Variants in PRPF40B observed in about 807,000 individuals in gnomAD.
PRPF40B encodes the protein pre-mRNA-processing factor 40 homolog B.
A neutral mutation model predicts 124.5 loss-of-function variants in PRPF40B; 56 were observed. The ratio of observed to expected loss-of-function variants is 0.45; its 90% confidence interval spans 0.36 to 0.56. PRPF40B has a LOEUF of 0.56. PRPF40B is among the 20% of genes least tolerant of loss of function. The pLI, the probability that PRPF40B is intolerant of heterozygous loss-of-function variation, is 0.00. For missense variants in PRPF40B, 1,053 were observed against 1,169.5 expected, an observed-to-expected ratio of 0.90 and a Z score of 1.45; for synonymous variants, 443 against 426.4, an observed-to-expected ratio of 1.04 and a Z score of -0.48.
Position 49,631,282 on chromosome 12 carries a change from C to A in PRPF40B, c.85-119C>A. On this transcript the variant is annotated intron_variant, in intron 2 of 25. Coordinates refer to ENST00000548825, the MANE Select transcript of PRPF40B (RefSeq NM_001031698.3). This position sits in a 1 kb window ranked among gnomAD's most constrained non-coding sequence, Gnocchi z 4.3. ...TTCTCAAACTAAAGCCTTGGAATTG[C>A]CTCAGAGCAGGGTGGAGGGTTGGGG... The A allele has an allele frequency of 1.5e-6, 1 of 675,488 alleles. No individual in the cohort carries two copies. The highest frequency in any genetic ancestry group is 2.4e-6 in the Non-Finnish European group (1 of 415,526). The allele number at this position is 675,488 out of a possible 1,614,324, so 41.8% of individuals were successfully genotyped here.
chr12:49,641,706 C>T, intron 18 of PRPF40B: 1 of 582,532 alleles, frequency 1.7e-6, no homozygotes, highest in Non-Finnish European at 3.1e-6. Flanking sequence ...CTCTGTGTGA[C>T]ATCCAAACCA....
chr12:49,632,814 C>T (rs577792314), intron 5 of PRPF40B, 41 bp from the exon 6 acceptor site: 17 of 1,613,860 alleles, frequency 1.1e-5, no homozygotes, highest in Non-Finnish European at 1.4e-5. Flanking sequence ...AGATGGAGGT[C>T]GGAGCAAGGA....
chr12:49,637,171 G>A (rs1215433037), intron 16 of PRPF40B: 2 of 572,286 alleles, frequency 3.5e-6, no homozygotes, highest in African/African-American at 1.9e-5. Flanking sequence ...CCCTCAGCTT[G>A]GGGGTGGCAG....
chr12:49,623,934 G>C, intron 1 of PRPF40B: 1 of 1,126,894 alleles, frequency 8.9e-7, no homozygotes, highest in Non-Finnish European at 1.1e-6. Context: ...GAGGGGACCA[G>C]GGGACAGGTG....
chr12:49,630,453 C>T (rs531166349), intron 1 of PRPF40B, 92 bp from the exon 2 acceptor site: 5 of 713,088 alleles, frequency 7.0e-6, no homozygotes, highest in Admixed American at 6.0e-5. Context: ...ATTTTGTGCT[C>T]CTTTTTCATC....
chr12:49,638,931 A>C (rs548578177), intron 18 of PRPF40B: 1 of 152,232 alleles, frequency 6.6e-6, no homozygotes, highest in African/African-American at 2.4e-5. Context: ...TTGCCTTACA[A>C]ATTCACGTAG....
chr12:49,643,856 T>TA lies in PRPF40B; in HGVS notation c.2443-4dup, dbSNP rs1943000676. On this transcript the variant is annotated splice_polypyrimidine_tract_variant and splice_region_variant and intron_variant, in intron 24 of 25. Transcript: ENST00000548825. ...ACTGAGGAGGTGGGCTCTGGACTCT[T>TA]ACAGAATAGTCCTGAGAGTGAGACA... The TA allele has an allele frequency of 3.1e-6, 5 of 1,614,052 alleles. No individual in the cohort carries two copies.
Position 49,634,559 on chromosome 12 carries a change from T to C in PRPF40B, c.958T>C (p.Trp320Arg). ...CCAGGCTGTCCCCTCCAATGCCTCA[T>C]GGGAACAGGCCATGAAGATGGTGGT... ...RDKAVPSNAS[W>R]EQAMKMVVTD... Residue 320 changes from tryptophan (W) to arginine (R), a missense_variant, in exon 12 of 26, where the codon TGG becomes CGG. Transcript: ENST00000548825. The C allele has an allele frequency of 1.2e-6, 2 of 1,614,156 alleles. No individual in the cohort carries two copies. Among genetic ancestry groups the C allele is most frequent in the Non-Finnish European group, 1.7e-6 (2 of 1,180,004 alleles).
Position 49,634,338 on chromosome 12 carries a change from A to G in PRPF40B, c.819A>G (p.Gly273=), listed in dbSNP as rs932469774. The G allele has an allele frequency of 5.6e-6, 9 of 1,614,058 alleles. No homozygotes were observed. The highest frequency in any genetic ancestry group is 5.3e-5 in the African/African-American group (4 of 74,914). The change falls in exon 11 of 26, where the codon GGA becomes GGG. Residue 273 remains glycine, a synonymous_variant. Transcript: ENST00000548825. The part of the protein sequence containing the change: ...QQLEEGPSSS[G]QHQPQQEEEE... ...AGTCCCCTGTGCCCTCCAGTTCTGG[A>G]CAGCATCAGCCACAGCAGGAGGAGG... is the stretch of plus-strand genomic sequence containing the variant.
At position 49,634,088 on chromosome 12, in the gene PRPF40B, A is replaced by C. The variant is rs1347974141; in HGVS notation, c.808A>C (p.Ser270Arg). 1 of 1,612,206 alleles carries C rather than the reference A, an allele frequency of 6.2e-7. No homozygotes were observed. The highest frequency in any genetic ancestry group is 1.7e-5 in the Admixed American group (1 of 60,002). ...GFLQQLEEGP[S>R]SSGQHQPQQE... ...CCTGCAGCAGCTGGAGGAGGGCCCCAGCAGGTGAGGGCTGCCCCCCATGGC... is the reference window on the plus strand; with the variant it reads ...CCTGCAGCAGCTGGAGGAGGGCCCCCGCAGGTGAGGGCTGCCCCCCATGGC... Residue 270 changes from serine to arginine, a missense_variant, in exon 10 of 26, where the codon AGC (serine) becomes CGC (arginine). Ser to Arg is a moderately radical substitution (Grantham distance 110, BLOSUM62 -1). Around this residue, in one of 2 missense-constraint regions of PRPF40B, gnomAD observed 895 missense variants for 1,052.2 expected, o/e 0.85. Transcript: ENST00000548825.
chr12:49,644,240 T>C lies in PRPF40B; in HGVS notation c.*48T>C. On this transcript the variant is annotated 3_prime_UTR_variant, in exon 26 of 26. Coordinates refer to ENST00000548825, the MANE Select transcript of PRPF40B (RefSeq NM_001031698.3). ...CGGGTCTGTGTGAGGCCATGGCTCC[T>C]GGGCCACCCTCACCGTCTGCCTCAG... 16 of 1,597,528 alleles carry C rather than the reference T, an allele frequency of 1.0e-5. No homozygotes were observed. The highest frequency in any genetic ancestry group is 1.3e-5 in the Non-Finnish European group (15 of 1,165,868).
At position 49,637,551 on chromosome 12, in the gene PRPF40B, G is replaced by A; in HGVS notation, c.1642G>A (p.Asp548Asn). ...WMELYPAVSTDVRFANMLGQP... is the reference protein window; with the variant it reads ...WMELYPAVSTNVRFANMLGQP... ...GGAGCTATATCCAGCAGTCAGCACTGATGTCCGCTTTGCCAACATGCTGGG... is the reference window on the plus strand; with the variant it reads ...GGAGCTATATCCAGCAGTCAGCACTAATGTCCGCTTTGCCAACATGCTGGG... The change falls in exon 17 of 26, where the codon GAT becomes AAT. Residue 548 changes from aspartate to asparagine, a missense_variant. This residue lies in a region of PRPF40B where 895 missense variants were observed against 1,052.2 expected (regional missense o/e 0.85). Coordinates refer to ENST00000548825, the MANE Select transcript of PRPF40B (RefSeq NM_001031698.3). 5 of 1,613,878 alleles carry A rather than the reference G, an allele frequency of 3.1e-6. No homozygotes were observed. The highest frequency in any genetic ancestry group is 4.2e-6 in the Non-Finnish European group (5 of 1,180,036).
rs760562382 is a variant in PRPF40B, at chr12:49,635,135, C to T, written c.1038C>T (p.Phe346=). 11 of 1,613,682 alleles carry T rather than the reference C, an allele frequency of 6.8e-6. No homozygotes were observed. The South Asian group carries it at 1.1e-4, about 16-fold the overall frequency. ...LPKLSEKKQA[F]NAYKAQREKE... is the part of the protein sequence containing the mutation. ...AACTGAGTGAGAAAAAGCAGGCATT[C>T]AATGCCTACAAGGCGCAGCGGGAGA... is the stretch of plus-strand genomic sequence containing the variant. Residue 346 remains phenylalanine, a synonymous_variant, in exon 13 of 26, where the codon TTC becomes TTT. Coordinates refer to ENST00000548825, the MANE Select transcript of PRPF40B (RefSeq NM_001031698.3). This position sits in a 1 kb window ranked among gnomAD's most constrained non-coding sequence, Gnocchi z 4.1.
At position 49,642,997 on chromosome 12, in the gene PRPF40B, A is replaced by G; in HGVS notation, c.2186A>G (p.Lys729Arg). Reference protein sequence around the residue: ...HGRKGKKHHHKRSHSPSGSES... With the variant: ...HGRKGKKHHHRRSHSPSGSES... ...AGGAAAGGCAAGAAGCACCATCACA[A>G]GCGTTCCCACTCACCCTCAGTGAGT... The change falls in exon 22 of 26, where the codon AAG becomes AGG. Residue 729 changes from lysine (K) to arginine (R), a missense_variant. Around this residue, in one of 2 missense-constraint regions of PRPF40B, gnomAD observed 895 missense variants for 1,052.2 expected, o/e 0.85. Transcript: ENST00000548825. The surrounding 1 kb of genome is among the most constrained non-coding windows in gnomAD (Gnocchi z 5.8). 2 of 1,613,862 alleles carry G rather than the reference A, an allele frequency of 1.2e-6. No individual in the cohort carries two copies. Among genetic ancestry groups the G allele is most frequent in the Middle Eastern group, 1.6e-4 (1 of 6,062 alleles).
At chr12:49,632,929 G>C (rs1353444661) in intron 6 of PRPF40B, 49 bp downstream of exon 6, 1 of 1,612,794 alleles carries the variant, frequency 6.2e-7, no homozygotes, top group Non-Finnish European at 8.5e-7. Flanking sequence ...CTGAGAGTGG[G>C]GGACTGATAG....
chr12:49,629,718 T>C (rs1165706113), intron 1 of PRPF40B, among the ~76,000 whole-genome samples: 2 of 152,256 alleles, frequency 1.3e-5, no homozygotes, highest in South Asian at 2.1e-4. Flanking sequence ...GGGGATCAGA[T>C]AGAGAAATAG....
chr12:49,641,930 T>G lies in PRPF40B; in HGVS notation c.1790T>G (p.Val597Gly), dbSNP rs542772866. Residue 597 changes from valine (V) to glycine (G), a missense_variant, in exon 19 of 26, where the codon GTG becomes GGG. Val to Gly is a moderately radical substitution (Grantham distance 109, BLOSUM62 -3). This residue lies in a region of PRPF40B where 895 missense variants were observed against 1,052.2 expected (regional missense o/e 0.85). Transcript: ENST00000548825. The stretch of plus-strand genomic sequence containing the variant: ...CAGGACCGGGGCTTCTGCGTGGAGG[T>G]GAACACGGCCTTTGAGGACTTCGCC... ...ILKDRGFCVEVNTAFEDFAHV... is the reference protein window; with the variant it reads ...ILKDRGFCVEGNTAFEDFAHV... 108 of 1,613,520 alleles carry G rather than the reference T, an allele frequency of 6.7e-5. 1 individual carries two copies. The South Asian group carries it at 1.2e-3, about 18-fold the overall frequency.
At chr12:49,624,461 G>C (rs1279983245) in intron 1 of PRPF40B, among the ~76,000 whole-genome samples, 1 of 152,224 alleles carries the variant, frequency 6.6e-6, no homozygotes, top group Admixed American at 6.5e-5. Flanking sequence ...GAACTCTAAG[G>C]AGAGGAGGAG....
chr12:49,633,003 C>CTA lies in PRPF40B; in HGVS notation c.349-11_349-10insTA. On this transcript the variant is annotated splice_polypyrimidine_tract_variant and intron_variant, in intron 6 of 25. Coordinates refer to ENST00000548825, the MANE Select transcript of PRPF40B (RefSeq NM_001031698.3). ...CCTTGACCACCATTCTGTGCCCCCC[C>CTA]CCCCACCCAGAGGGCCCTATGGAGT... 1.8e-6 allele frequency: 1 copy of CTA among 553,912 alleles called. No individual in the cohort carries two copies. The highest frequency in any genetic ancestry group is 3.4e-6 in the Non-Finnish European group (1 of 296,072). 34.3% of individuals were successfully genotyped at this position (553,912 alleles called of 1,614,324 possible).
Sources: gnomAD v4.1 joint callset for allele counts (sites outside exome capture counted in the v4.1 genomes callset) on GRCh38, gnomAD v4.1.1 for gene constraint, gnomAD v4.1.1 regional missense constraint, Gnocchi (gnomAD v3.1) non-coding constraint, MANE v1.5 for transcripts, NCBI Gene and HGNC (gene_info 2026-07-23, HGNC 2026-07-21) for gene names.